The following TENM3 variants were observed in gnomAD, a reference collection of about 807,000 sequenced individuals.
The protein encoded by TENM3 is teneurin-3.
A neutral mutation model predicts 255.1 loss-of-function variants in TENM3; 63 were observed. The ratio of observed to expected loss-of-function variants is 0.25; its 90% CI spans 0.20 to 0.30. TENM3 has a LOEUF of 0.30. Among genes scored for constraint, TENM3 ranks in the 10% least tolerant of loss-of-function variants. The probability of loss-of-function intolerance (pLI) is 1.00; values close to 1 mark genes in which losing one functional copy is unlikely to be tolerated. For synonymous variants in TENM3, 1,306 were observed against 1,322.3 expected, an observed-to-expected ratio of 0.99 and a Z score of 0.27; for missense variants, 2,929 against 3,461.1, an observed-to-expected ratio of 0.85 and a Z score of 3.86.
At chr4:181,493,269 C>A in the TENM3 span, among the ~76,000 whole-genome samples, 1 of 147,780 alleles carries the variant, frequency 6.8e-6, no homozygotes, top group Non-Finnish European at 1.5e-5. Context: ...GCACTTCAGC[C>A]TGGGCAACAG....
intron 1 of TENM3, among the ~76,000 whole-genome samples, chr4:182,227,978 G>T (rs577601217): frequency 2.6e-5 from 4 of 152,230 alleles, no homozygotes; most frequent in African/African-American, 9.6e-5. Context: ...AAATGTAAGT[G>T]AACTTATGCT....
intron 22 of TENM3, among the ~76,000 whole-genome samples, chr4:182,768,143 A>G (rs1018069919): frequency 5.9e-5 from 9 of 152,246 alleles, no homozygotes; most frequent in Non-Finnish European, 1.0e-4. Context: ...CTCCAGAGTT[A>G]GAATGACTTC....
chr4:182,698,495 G>GA, intron 12 of TENM3, among the ~76,000 whole-genome samples: 1 of 152,324 alleles, frequency 6.6e-6, no homozygotes, highest in African/African-American at 2.4e-5. Context: ...AAGTAGGTGA[G>GA]ACTCCTCACT....
chr4:182,282,056 A>G (rs1021460625), intron 1 of TENM3, among the ~76,000 whole-genome samples: 1 of 152,180 alleles, frequency 6.6e-6, no homozygotes. Context: ...TTAAAATTTA[A>G]TTTTAATTGG....
At chr4:182,695,757 C>T (rs1373314663) in intron 12 of TENM3, among the ~76,000 whole-genome samples, 4 of 152,162 alleles carry the variant, frequency 2.6e-5, no homozygotes, top group East Asian at 1.9e-4. Flanking sequence ...GAAAATTCCT[C>T]ATGTCATCAA....
At chr4:182,264,776 A>G (rs1759128232) in intron 1 of TENM3, among the ~76,000 whole-genome samples, 1 of 152,230 alleles carries the variant, frequency 6.6e-6, no homozygotes, top group Non-Finnish European at 1.5e-5. Context: ...TGGCATGGCT[A>G]AAGTTGGGTA....
At chr4:181,825,629 A>G in the TENM3 span, among the ~76,000 whole-genome samples, 1 of 152,152 alleles carries the variant, frequency 6.6e-6, no homozygotes, top group Non-Finnish European at 1.5e-5. Context: ...AAGGAAATTA[A>G]TTTCACAAAT....
At chr4:182,356,247 C>A (rs1338419575) in intron 3 of TENM3, among the ~76,000 whole-genome samples, 1 of 152,136 alleles carries the variant, frequency 6.6e-6, no homozygotes, top group African/African-American at 2.4e-5. Context: ...TGTCTGTAGT[C>A]CCGGCACTCA....
chr4:182,753,941 G>A (rs1042907293), intron 21 of TENM3, among the ~76,000 whole-genome samples: 2 of 152,152 alleles, frequency 1.3e-5, no homozygotes, highest in African/African-American at 4.8e-5. Flanking sequence ...TCCTTAAGTA[G>A]TAGAGAGAAC....
the TENM3 span, among the ~76,000 whole-genome samples, chr4:181,654,010 G>T: frequency 6.6e-6 from 1 of 151,782 alleles, no homozygotes; most frequent in Non-Finnish European, 1.5e-5. Context: ...AGCCAGTCAG[G>T]CTGGCAAACT....
At chr4:182,145,157 C>T (rs1228452700) in intron 1 of TENM3, 1 of 152,168 alleles carries the variant, frequency 6.6e-6, no homozygotes, top group Non-Finnish European at 1.5e-5. Flanking sequence ...GCGGGGGCGT[C>T]TTAACAGGAT....
chr4:182,227,480 G>A (rs745348664), intron 1 of TENM3, among the ~76,000 whole-genome samples: 2 of 152,128 alleles, frequency 1.3e-5, no homozygotes, highest in African/African-American at 2.4e-5. Flanking sequence ...GCCACATACT[G>A]AGAGTTCCGT....
In TENM3 at chr4:182,375,851, G is replaced by A. The variant is rs574258354; in HGVS notation, c.511+28922G>A. ...GAGCCACCGCGCCCGGCTGGGAACC[G>A]CATGTTGTGGGTGCTTTTTAAAACA... On this transcript the variant is annotated intron_variant, in intron 3 of 27. Transcript: ENST00000511685. 4.6e-5 allele frequency among the ~76,000 whole-genome samples: 7 copies of A among 152,214 alleles called. No individual in the cohort carries two copies. In the South Asian group the frequency reaches 8.3e-4, roughly 18 times the overall value.
chr4:181,700,124 G>A, the TENM3 span, among the ~76,000 whole-genome samples: 1 of 152,112 alleles, frequency 6.6e-6, no homozygotes, highest in East Asian at 1.9e-4. Context: ...AAACAGTGTC[G>A]CTAGATTGTG....
At chr4:181,486,112 C>T in the TENM3 span, among the ~76,000 whole-genome samples, 1 of 152,086 alleles carries the variant, frequency 6.6e-6, no homozygotes, top group Non-Finnish European at 1.5e-5. Context: ...GACAAGACAC[C>T]AGATTCACAC....
the TENM3 span, among the ~76,000 whole-genome samples, chr4:181,508,825 C>T: frequency 1.4e-5 from 2 of 146,008 alleles, no homozygotes; most frequent in Admixed American, 1.4e-4. Context: ...TGATGTTAAT[C>T]TATTCTTTTC....
intron 22 of TENM3, among the ~76,000 whole-genome samples, chr4:182,758,119 G>C (rs1343597998): frequency 6.6e-6 from 1 of 152,112 alleles, no homozygotes; most frequent in Non-Finnish European, 1.5e-5. Flanking sequence ...CAGCAAAGAC[G>C]ACTAAAAAAT....
intron 3 of TENM3, among the ~76,000 whole-genome samples, chr4:182,500,157 GT>G (rs1379397864): frequency 6.6e-6 from 1 of 152,180 alleles, no homozygotes; most frequent in Non-Finnish European, 1.5e-5. Flanking sequence ...ATGGGCCCAA[GT>G]AAATTTTTGG....
the TENM3 span, among the ~76,000 whole-genome samples, chr4:181,682,293 T>C: frequency 6.6e-6 from 1 of 152,158 alleles, no homozygotes; most frequent in East Asian, 1.9e-4. Flanking sequence ...ATTTCCCTTT[T>C]TGTGGAGGTC....
Sources: gnomAD v4.1 joint callset for allele counts (sites outside exome capture counted in the v4.1 genomes callset) on GRCh38, gnomAD v4.1.1 for gene constraint, MANE v1.5 for transcripts, NCBI Gene and HGNC (gene_info 2026-07-23, HGNC 2026-07-21) for gene names.